The following NSD1 variants were observed in gnomAD, a reference collection of about 807,000 sequenced individuals.
NSD1 encodes histone-lysine N-methyltransferase, H3 lysine-36 specific.
A neutral mutation model predicts 242.7 loss-of-function variants in NSD1; 26 were observed. That is an observed-to-expected ratio of 0.11 (90% CI 0.08 to 0.15). The LOEUF is 0.15. Among genes scored for constraint, NSD1 ranks in the 10% least tolerant of loss-of-function variants. The pLI is 1.00. For missense variants in NSD1, 2,495 were observed against 3,272.8 expected (o/e 0.76, Z 5.80); for synonymous variants, 1,106 against 1,178.1 (o/e 0.94, Z 1.25).
At chr5:177,191,607 G>A (rs1370501425) in intron 2 of NSD1, among the ~76,000 whole-genome samples, 1 of 151,214 alleles carries the variant, frequency 6.6e-6, no homozygotes, top group African/African-American at 2.4e-5. Flanking sequence ...TGTGTTTTTA[G>A]TTCTTTAAAA....
intron 8 of NSD1, among the ~76,000 whole-genome samples, chr5:177,240,211 T>C (rs1765746480): frequency 6.6e-6 from 1 of 152,154 alleles, no homozygotes; most frequent in African/African-American, 2.4e-5. Context: ...TACTCTCCTA[T>C]TGCCGTGTCG....
chr5:177,299,966 CAA>C lies in NSD1; in HGVS notation c.*4509_*4510del. The stretch of plus-strand genomic sequence containing the variant: ...GGCAGAGCCGCCTCCTAGGTCTTGG[CAA>C]AGAGGCAAGCTGACGATAGACATCT... On this transcript the variant is annotated 3_prime_UTR_variant, in exon 23 of 23. Coordinates refer to ENST00000439151, the MANE Select transcript of NSD1 (RefSeq NM_022455.5). The C allele has an allele frequency of 4.4e-6, 1 of 229,396 alleles. No homozygotes were observed. Among genetic ancestry groups the C allele is most frequent in the East Asian group, 6.2e-5 (1 of 16,244 alleles). The allele number at this position is 229,396 out of a possible 1,614,324, so 14.2% of individuals were successfully genotyped here. A position where few individuals can be genotyped will look rare whatever the true frequency, so the allele number is the denominator to read the frequency against.
At chr5:177,287,735 C>T (rs1396482558) in intron 20 of NSD1, among the ~76,000 whole-genome samples, 1 of 152,182 alleles carries the variant, frequency 6.6e-6, no homozygotes, top group African/African-American at 2.4e-5. Flanking sequence ...CATGACCCTC[C>T]CGTTAACATT....
At chr5:177,155,947 T>C (rs1758097392) in intron 2 of NSD1, among the ~76,000 whole-genome samples, 1 of 151,734 alleles carries the variant, frequency 6.6e-6, no homozygotes, top group South Asian at 2.1e-4. Context: ...TCAGGTGATA[T>C]GCCCGACTCA....
At chr5:177,198,898 C>T (rs1762300062) in intron 3 of NSD1, among the ~76,000 whole-genome samples, 1 of 152,196 alleles carries the variant, frequency 6.6e-6, no homozygotes, top group Non-Finnish European at 1.5e-5. Context: ...CTTTAGCTTC[C>T]TCTGTCTCCA....
chr5:177,201,244 C>G (rs1447063345), intron 3 of NSD1, among the ~76,000 whole-genome samples: 1 of 151,392 alleles, frequency 6.6e-6, no homozygotes, highest in Non-Finnish European at 1.5e-5. Context: ...GAGTCTTGCT[C>G]TGTCTCCCAG....
At chr5:177,138,091 A>C (rs903441385) in intron 2 of NSD1, among the ~76,000 whole-genome samples, 14 of 128,532 alleles carry the variant, frequency 1.1e-4, no homozygotes, top group African/African-American at 4.4e-4. Flanking sequence ...AAAAAACAAC[A>C]AAAAAACAAA....
intron 2 of NSD1, among the ~76,000 whole-genome samples, chr5:177,155,769 C>T (rs1758079166): frequency 6.6e-6 from 1 of 152,050 alleles, no homozygotes; most frequent in Admixed American, 6.6e-5. Flanking sequence ...TCACTGCAAC[C>T]TCTGCCTCCT....
intron 2 of NSD1, among the ~76,000 whole-genome samples, chr5:177,159,380 T>C (rs1176360260): frequency 6.6e-6 from 1 of 150,620 alleles, no homozygotes; most frequent in African/African-American, 2.4e-5. Flanking sequence ...TCTCCCTGGT[T>C]CAAGCGATTC....
At chr5:177,219,650 T>C (rs1441528276) in intron 5 of NSD1, among the ~76,000 whole-genome samples, 2 of 152,190 alleles carry the variant, frequency 1.3e-5, no homozygotes, top group Admixed American at 6.5e-5. Flanking sequence ...CTTGGTATGA[T>C]TTCAGTCTTC....
chr5:177,299,570 AT>A lies in NSD1; in HGVS notation c.*4112del, dbSNP rs1760460896. On this transcript the variant is annotated 3_prime_UTR_variant, in exon 23 of 23. Coordinates refer to ENST00000439151, the MANE Select transcript of NSD1 (RefSeq NM_022455.5). The stretch of plus-strand genomic sequence containing the variant: ...ACTCATGGAAGCCCCTCTACTGCTT[AT>A]GAAGATTAAGGGTAGTATTTTCTAA... The A allele has an allele frequency of 4.3e-6, 1 of 233,158 alleles. No individual in the cohort carries two copies. The highest frequency in any genetic ancestry group is 5.6e-5 in the Admixed American group (1 of 17,780). 14.4% of individuals were successfully genotyped at this position (233,158 alleles called of 1,614,324 possible). A position where few individuals can be genotyped will look rare whatever the true frequency, so the allele number is the denominator to read the frequency against.
chr5:177,188,975 G>A (rs190942388), intron 2 of NSD1, among the ~76,000 whole-genome samples: 3 of 152,056 alleles, frequency 2.0e-5, no homozygotes, highest in African/African-American at 7.2e-5. Context: ...CTCAGGAGGC[G>A]AAGATTGCAG....
chr5:177,224,146 G>A lies in NSD1; in HGVS notation c.3797-11675G>A, dbSNP rs149139487. On this transcript the variant is annotated intron_variant, in intron 5 of 22. Coordinates refer to ENST00000439151, the MANE Select transcript of NSD1 (RefSeq NM_022455.5). The stretch of plus-strand genomic sequence containing the variant: ...TTTTCAAGATCATTTTGGCTCTTTT[G>A]CATCTTTGGTGTTTCATATTAATGT... Among the ~76,000 whole-genome samples the A allele has an allele frequency of 7.8e-3, 1,190 of 152,112 alleles. 15 individuals are homozygous for A. The highest frequency in any genetic ancestry group is 0.017 in the Middle Eastern group (5 of 294).
intron 3 of NSD1, among the ~76,000 whole-genome samples, chr5:177,201,827 G>A (rs1762529165): frequency 1.3e-5 from 2 of 151,548 alleles, no homozygotes; most frequent in African/African-American, 4.8e-5. Context: ...CCAAAGGGCT[G>A]GGATTACAGG....
Position 177,280,545 on chromosome 5 carries a change from A to T in NSD1, c.5623-20A>T. 1.2e-6 allele frequency: 2 copies of T among 1,614,194 alleles called. No homozygotes were observed. Among genetic ancestry groups the T allele is most frequent in the Non-Finnish European group, 1.7e-6 (2 of 1,180,024 alleles). On this transcript the variant is annotated intron_variant, in intron 17 of 22. Transcript: ENST00000439151. ...TCTGCTGACTTGTTTTATGCGGTGT[A>T]CTTTGTGTTACTTTTCCAGGTAAAC...
In NSD1 at chr5:177,210,773, T is replaced by G; in HGVS notation, c.2374T>G (p.Cys792Gly). The change falls in exon 5 of 23, where the codon TGC (cysteine) becomes GGC (glycine). Residue 792 changes from cysteine to glycine, a missense_variant. By Grantham distance (159) the Cys-to-Gly change is radical. Coordinates refer to ENST00000439151, the MANE Select transcript of NSD1 (RefSeq NM_022455.5). ...SKQPKFRSIK[C>G]KHKENPVMAE... Reference sequence around the variant, plus strand: ...ACAGCCCAAGTTCCGAAGTATAAAGTGCAAACACAAAGAAAATCCAGTTAT... The same window carrying G: ...ACAGCCCAAGTTCCGAAGTATAAAGGGCAAACACAAAGAAAATCCAGTTAT... 2 of 1,614,168 alleles carry G rather than the reference T, an allele frequency of 1.2e-6. No individual in the cohort carries two copies. Among genetic ancestry groups the G allele is most frequent in the Non-Finnish European group, 1.7e-6 (2 of 1,180,042 alleles).
rs575626476 is a variant in NSD1, at chr5:177,170,062, C to T, written c.928-21822C>T. Among the ~76,000 whole-genome samples the T allele has an allele frequency of 2.6e-3, 388 of 151,912 alleles. 3 individuals are homozygous for T. Among genetic ancestry groups the T allele is most frequent in the African/African-American group, 9.0e-3 (373 of 41,460 alleles). The stretch of plus-strand genomic sequence containing the variant: ...TCTGCTCACTGCAAGCTCCACATCT[C>T]GGGTTCACGCCATTCTCCTGCCTCA... On this transcript the variant is annotated intron_variant, in intron 2 of 22. Transcript: ENST00000439151.
intron 3 of NSD1, among the ~76,000 whole-genome samples, chr5:177,201,920 A>C (rs941691568): frequency 2.0e-5 from 3 of 151,518 alleles, no homozygotes; most frequent in South Asian, 4.2e-4. Flanking sequence ...TAATCCCAGC[A>C]CTTTGGGAGG....
intron 17 of NSD1, among the ~76,000 whole-genome samples, chr5:177,277,857 AAT>A (rs1758523603): frequency 6.6e-6 from 1 of 152,192 alleles, no homozygotes; most frequent in Non-Finnish European, 1.5e-5. Context: ...AACAAAAACA[AAT>A]ATATATTTGT....
Sources: gnomAD v4.1 joint callset for allele counts (sites outside exome capture counted in the v4.1 genomes callset) on GRCh38, gnomAD v4.1.1 for gene constraint, MANE v1.5 for transcripts, NCBI Gene and HGNC (gene_info 2026-07-23, HGNC 2026-07-21) for gene names.